DLL3: variants seen among roughly 807,000 people sequenced by gnomAD.
DLL3 encodes the protein delta-like protein 3.
A neutral mutation model predicts 55.0 loss-of-function variants in DLL3; 49 were observed. The observed-to-expected ratio is 0.89, with a 90% CI of 0.71 to 1.13. The LOEUF (loss-of-function observed/expected upper bound fraction) is 1.13, where lower values mean the gene tolerates loss of function less well. DLL3 is among the 50% of genes most tolerant of loss of function. The pLI, the probability that DLL3 is intolerant of heterozygous loss-of-function variation, is 0.00. For synonymous variants in DLL3, 421 were observed against 385.2 expected, an observed-to-expected ratio of 1.09 and a Z score of -1.09; for missense variants, 962 against 875.5, an observed-to-expected ratio of 1.10 and a Z score of -1.25.
chr19:39,507,786 G>A (rs1402137431), intron 7 of DLL3, 44 bp from the exon 8 acceptor site: 1 of 1,613,316 alleles, frequency 6.2e-7, no homozygotes, highest in Non-Finnish European at 8.5e-7. Context: ...CAAGATCTGA[G>A]AATTTAAAGA....
Position 39,507,333 on chromosome 19 carries a change from G to A in DLL3, c.1388G>A (p.Arg463Gln). Residue 463 changes from arginine (R) to glutamine (Q), a missense_variant, in exon 7 of 9, where the codon CGG (arginine) becomes CAG (glutamine). By Grantham distance (43) the Arg-to-Gln change is conservative. Coordinates refer to ENST00000356433, the MANE Select transcript of DLL3 (RefSeq NM_203486.3). ...TGCGCTCCCGGCTACATGGGAGCGC[G>A]GTGTGAGTTCCCAGTGCACCCCGAC... is the stretch of plus-strand genomic sequence containing the variant. The part of the protein sequence containing the change: ...CACAPGYMGA[R>Q]CEFPVHPDGA... The A allele has an allele frequency of 1.3e-6, 2 of 1,569,454 alleles. No individual in the cohort carries two copies. Among genetic ancestry groups the A allele is most frequent in the Non-Finnish European group, 1.7e-6 (2 of 1,165,290 alleles).
intron 4 of DLL3, among the ~76,000 whole-genome samples, chr19:39,503,765 C>T (rs2079624159): frequency 6.6e-6 from 1 of 152,206 alleles, no homozygotes; most frequent in Non-Finnish European, 1.5e-5. Context: ...TCCTCACGAT[C>T]TCACCTGGGT....
intron 2 of DLL3, 76 bp downstream of exon 2, chr19:39,499,549 C>G: frequency 6.5e-7 from 1 of 1,527,720 alleles, no homozygotes; most frequent in Non-Finnish European, 8.8e-7. Flanking sequence ...CCTCTCCCCT[C>G]CAGCTTCCAA....
At chr19:39,503,619 C>A (rs1415926845) in intron 4 of DLL3, among the ~76,000 whole-genome samples, 2 of 152,194 alleles carry the variant, frequency 1.3e-5, no homozygotes, top group African/African-American at 4.8e-5. Flanking sequence ...CCCCAAATTT[C>A]AGAGCCCCAC....
At position 39,507,432 on chromosome 19, in the gene DLL3, C is replaced by T. The variant is rs773373873; in HGVS notation, c.1487C>T (p.Ala496Val). Residue 496 changes from alanine (A) to valine (V), a missense_variant, in exon 7 of 9, where the codon GCT becomes GTT. Transcript: ENST00000356433. The part of the protein sequence containing the change: ...GDPQRYLLPP[A>V]LGLLVAAGVA... ...CCTCAGCGCTACCTTTTGCCTCCGG[C>T]TCTGGGACTGCTCGTGGCCGCGGGC... is the stretch of plus-strand genomic sequence containing the variant. 1.3e-6 allele frequency: 2 copies of T among 1,594,264 alleles called. No homozygotes were observed. Among genetic ancestry groups the T allele is most frequent in the Admixed American group, 3.5e-5 (2 of 57,280 alleles).
rs1042783044 is a variant in DLL3, at chr19:39,503,006, G to T, written c.601G>T (p.Gly201Cys). 4.0e-6 allele frequency: 6 copies of T among 1,485,980 alleles called. No homozygotes were observed. The African/African-American group carries it at 4.4e-5, about 11-fold the overall frequency. The allele number at this position is 1,485,980 out of a possible 1,614,324, so 92.0% of individuals were successfully genotyped here. A position where few individuals can be genotyped will look rare whatever the true frequency, so the allele number is the denominator to read the frequency against. ...TCCGCGCAGCGCCCCCTCGCGGTGC[G>T]GTCCGGGACTGCGCCCCTGCGCACC... ...CRPRSAPSRCGPGLRPCAPLE... is the reference protein window; with the variant it reads ...CRPRSAPSRCCPGLRPCAPLE... Residue 201 changes from glycine to cysteine, a missense_variant, in exon 4 of 9, where the codon GGT becomes TGT. Physicochemically the swap from Gly to Cys is radical, Grantham distance 159. Coordinates refer to ENST00000356433, the MANE Select transcript of DLL3 (RefSeq NM_203486.3).
In DLL3 at chr19:39,508,028, C is replaced by T. The variant is rs201994238; in HGVS notation, c.1758+114C>T. ...CCGTGAAATGAATTGGGTAGAGTCT[C>T]TGGAAGGTTTTAAGCCCATTTTCAG... is the stretch of plus-strand genomic sequence containing the variant. On this transcript the variant is annotated intron_variant, in intron 8 of 8. Coordinates refer to ENST00000356433, the MANE Select transcript of DLL3 (RefSeq NM_203486.3). 3.9e-5 allele frequency: 62 copies of T among 1,609,734 alleles called. No individual in the cohort carries two copies. The African/African-American group carries it at 8.0e-4, about 21-fold the overall frequency.
At chr19:39,504,519 T>G (rs1203267960) in intron 5 of DLL3, among the ~76,000 whole-genome samples, 1 of 150,516 alleles carries the variant, frequency 6.6e-6, no homozygotes, top group African/African-American at 2.5e-5. Flanking sequence ...GATGCAGGAG[T>G]GGAAATGATG....
rs1364083522 is a variant in DLL3 at position 39,508,250 on chromosome 19, A to G, written c.1759-2A>G. 6.2e-7 allele frequency: 1 copy of G among 1,612,264 alleles called. No individual in the cohort carries two copies. Among genetic ancestry groups the G allele is most frequent in the African/African-American group, 1.3e-5 (1 of 74,662 alleles). On this transcript the variant is annotated splice_acceptor_variant, in intron 8 of 8. Coordinates refer to ENST00000356433, the MANE Select transcript of DLL3 (RefSeq NM_203486.3). LOFTEE classifies it high-confidence loss of function. ...AATGCTTCCTACTCATTTTGTTTCT[A>G]GGCCTGACGCGTCTCCTCCATCCGC...
At chr19:39,505,944 C>T (rs936366389) in intron 6 of DLL3, among the ~76,000 whole-genome samples, 1 of 152,110 alleles carries the variant, frequency 6.6e-6, no homozygotes. Flanking sequence ...GGCACGGCGA[C>T]TCACGCCTGT....
chr19:39,504,227 G>T lies in DLL3; in HGVS notation c.809G>T (p.Cys270Phe), dbSNP rs1231122165. The T allele has an allele frequency of 8.7e-6, 14 of 1,612,862 alleles. No homozygotes were observed. The highest frequency in any genetic ancestry group is 1.2e-5 in the Non-Finnish European group (14 of 1,180,038). Reference protein sequence around the residue: ...PRGPSSATTGCLVPGPGPCDG... With the variant: ...PRGPSSATTGFLVPGPGPCDG... Reference sequence around the variant, plus strand: ...GGCCCGTCCTCTGCTACCACCGGATGCCTTGTCCCTGGGCCTGGGCCCTGT... The same window carrying T: ...GGCCCGTCCTCTGCTACCACCGGATTCCTTGTCCCTGGGCCTGGGCCCTGT... The change falls in exon 5 of 9, where the codon TGC becomes TTC. Residue 270 changes from cysteine (C) to phenylalanine (F), a missense_variant. Physicochemically the swap from Cys to Phe is radical, Grantham distance 205 (BLOSUM62 -2). Transcript: ENST00000356433.
intron 5 of DLL3, among the ~76,000 whole-genome samples, chr19:39,504,634 C>T (rs992997096): frequency 2.0e-5 from 3 of 152,030 alleles, no homozygotes; most frequent in Non-Finnish European, 4.4e-5. Flanking sequence ...TTGGGATCTG[C>T]GGGCACAGGG....
intron 5 of DLL3, among the ~76,000 whole-genome samples, chr19:39,504,633 G>T (rs1156941472): frequency 6.6e-6 from 1 of 152,184 alleles, no homozygotes; most frequent in African/African-American, 2.4e-5. Context: ...TTTGGGATCT[G>T]CGGGCACAGG....
rs2079597067 is a variant in DLL3, at chr19:39,499,447, C to T, written c.325C>T (p.Gln109Ter). The change falls in exon 2 of 9, where the codon CAG becomes TAG. Residue 109 changes from glutamine (Q) to a stop codon, truncating the protein, a stop_gained. Coordinates refer to ENST00000356433, the MANE Select transcript of DLL3 (RefSeq NM_203486.3). LOFTEE classifies it high-confidence loss of function. ...PDLPLPDGLL[Q>*]VPFRDAWPGT... Reference sequence around the variant, plus strand: ...TCTCCCACTGCCCGACGGCCTCTTGCAGGTGCCCTTCCGGGACGCCTGGCC... The same window carrying T: ...TCTCCCACTGCCCGACGGCCTCTTGTAGGTGCCCTTCCGGGACGCCTGGCC... 6.3e-7 allele frequency: 1 copy of T among 1,591,436 alleles called. No homozygotes were observed. Among genetic ancestry groups the T allele is most frequent in the African/African-American group, 1.3e-5 (1 of 74,880 alleles).
chr19:39,499,777 C>T (rs955580341), intron 2 of DLL3, among the ~76,000 whole-genome samples: 2 of 152,076 alleles, frequency 1.3e-5, no homozygotes, highest in African/African-American at 4.8e-5. Flanking sequence ...CCTTGGGGAT[C>T]CCTAAAAACT....
At position 39,507,291 on chromosome 19, in the gene DLL3, C is replaced by G. The variant is rs771783907; in HGVS notation, c.1346C>G (p.Ser449Cys). The change falls in exon 7 of 9, where the codon TCC becomes TGC. Residue 449 changes from serine to cysteine, a missense_variant. Transcript: ENST00000356433. ...AHGGRCYAHF[S>C]GLVCACAPGY... is the part of the protein sequence containing the mutation. The stretch of plus-strand genomic sequence containing the variant: ...GGCGGCCGCTGCTACGCCCACTTCT[C>G]CGGCCTCGTCTGCGCTTGCGCTCCC... 27 of 1,547,004 alleles carry G rather than the reference C, an allele frequency of 1.7e-5. No homozygotes were observed. The highest frequency in any genetic ancestry group is 2.2e-5 in the Non-Finnish European group (25 of 1,153,812).
chr19:39,508,079 G>A, intron 8 of DLL3, 165 bp downstream of exon 8: 2 of 1,603,132 alleles, frequency 1.2e-6, no homozygotes, highest in Middle Eastern at 3.3e-4. Flanking sequence ...ATCCTATTTT[G>A]CATCCCTCTT....
rs370360787 is a variant in DLL3 at position 39,500,428 on chromosome 19, C to T, written c.352-187C>T. 9.6e-5 allele frequency among the ~76,000 whole-genome samples: 14 copies of T among 145,210 alleles called. 1 individual carries two copies. Among genetic ancestry groups the T allele is most frequent in the Middle Eastern group, 3.5e-3 (1 of 288 alleles). ...TTGACAAAGTGAGATTCTCCCCCCC[C>T]CCCCAAAAAAAAGCCACAGATGTCA... On this transcript the variant is annotated intron_variant, in intron 2 of 8. Transcript: ENST00000356433.
chr19:39,508,214 G>A (rs754172178), intron 8 of DLL3, 38 bp from the exon 9 acceptor site: 2 of 1,613,696 alleles, frequency 1.2e-6, no homozygotes, highest in African/African-American at 1.3e-5. Flanking sequence ...AGGCAGAGGG[G>A]CAGCCTCTCT....
Sources: gnomAD v4.1 joint callset for allele counts (sites outside exome capture counted in the v4.1 genomes callset) on GRCh38, gnomAD v4.1.1 for gene constraint, MANE v1.5 for transcripts, NCBI Gene and HGNC (gene_info 2026-07-23, HGNC 2026-07-21) for gene names.